Variants in AKT1 observed in about 807,000 individuals in gnomAD.
AKT1 encodes the protein AKT serine/threonine kinase 1.
In AKT1, 21 loss-of-function variants were observed where a neutral mutation model predicts 63.1. That is an observed-to-expected ratio of 0.33 (90% CI 0.24 to 0.48). The LOEUF is 0.48. Among genes scored for constraint, AKT1 ranks in the 20% least tolerant of loss-of-function variants. The probability of loss-of-function intolerance (pLI) is 0.99; values close to 1 mark genes in which losing one functional copy is unlikely to be tolerated. For synonymous variants in AKT1, 257 were observed against 253.1 expected, an observed-to-expected ratio of 1.02 and a Z score of -0.15; for missense variants, 382 against 666.0, an observed-to-expected ratio of 0.57 and a Z score of 4.69.
chr14:104,779,594 G>C lies in AKT1; in HGVS notation c.175+494C>G, dbSNP rs566467042. 4.8e-5 allele frequency among the ~76,000 whole-genome samples: 4 copies of C among 82,620 alleles called. No individual in the cohort carries two copies. In the South Asian group the frequency reaches 1.7e-3, roughly 36 times the overall value. The allele number at this position is 82,620 out of a possible 152,430, so 54.2% of individuals were successfully genotyped here. ...ATGGGCACCAGGGAACTGCTCCAGG[G>C]TCAGCCAGCCTTGGGACTCGGCCCA... is the stretch of plus-strand genomic sequence containing the variant. On this transcript the variant is annotated intron_variant, in intron 4 of 14. Coordinates refer to ENST00000649815, the MANE Select transcript of AKT1 (RefSeq NM_001382430.1).
intron 4 of AKT1, among the ~76,000 whole-genome samples, chr14:104,779,754 C>G (rs1018482936): frequency 1.4e-5 from 2 of 145,720 alleles, no homozygotes; most frequent in South Asian, 2.2e-4. Context: ...CAGAGACCCC[C>G]GCCCAGCCAG....
At chr14:104,785,792 G>A (rs1422783327) in intron 3 of AKT1, among the ~76,000 whole-genome samples, 1 of 152,084 alleles carries the variant, frequency 6.6e-6, no homozygotes, top group African/African-American at 2.4e-5. Flanking sequence ...GGAGGAACAT[G>A]GTGCGGGCAG....
chr14:104,788,135 G>T (rs907877414), intron 3 of AKT1, among the ~76,000 whole-genome samples: 2 of 152,166 alleles, frequency 1.3e-5, no homozygotes, highest in African/African-American at 4.8e-5. Flanking sequence ...GACCCTCAAC[G>T]CTCCCCCAGG....
rs1457887928 is a variant in AKT1, at chr14:104,769,439, A to ATTT, written c.*901_*902insAAA. On this transcript the variant is annotated 3_prime_UTR_variant, in exon 15 of 15. Transcript: ENST00000649815. ...ATACTAAAGTTGAATGTTGTAAAAA[A>ATTT]ACGCCGTGGTGCAGCGGCAGCGGCA... 7.4e-6 allele frequency: 3 copies of ATTT among 407,988 alleles called. No individual in the cohort carries two copies. The highest frequency in any genetic ancestry group is 6.3e-5 in the African/African-American group (3 of 47,694). The allele number at this position is 407,988 out of a possible 1,614,324, so 25.3% of individuals were successfully genotyped here. A position where few individuals can be genotyped will look rare whatever the true frequency, so the allele number is the denominator to read the frequency against.
chr14:104,792,911 C>G, intron 2 of AKT1, 189 bp from the exon 3 acceptor site: 1 of 591,350 alleles, frequency 1.7e-6, no homozygotes. Flanking sequence ...CCCCAAAACA[C>G]TCAGGGCTGC....
At chr14:104,775,365 G>A (rs992215509) in intron 6 of AKT1, 158 bp from the exon 7 acceptor site, 1 of 1,352,716 alleles carries the variant, frequency 7.4e-7, no homozygotes, top group Non-Finnish European at 9.9e-7. Context: ...GGGAGTCCAG[G>A]CTTACAGGGA....
At position 104,773,254 on chromosome 14, in the gene AKT1, G is replaced by A. The variant is rs746944273; in HGVS notation, c.954C>T (p.Pro318=). The A allele has an allele frequency of 1.7e-5, 27 of 1,614,048 alleles. No individual in the cohort carries two copies. Among genetic ancestry groups the A allele is most frequent in the Middle Eastern group, 1.6e-4 (1 of 6,084 alleles). Reference sequence around the variant, plus strand: ...TGCACGCAGGTGGGGCGCACACCTCGGGGGCCAGGTACTCAGGTGTGCCGC... The same window carrying A: ...TGCACGCAGGTGGGGCGCACACCTCAGGGGCCAGGTACTCAGGTGTGCCGC... The part of the protein sequence containing the change: ...TFCGTPEYLA[P]EVLEDNDYGR... The change falls in exon 11 of 15, where the codon CCC becomes CCT. Residue 318 remains proline, a synonymous_variant. Transcript: ENST00000649815.
rs1892273340 is a variant in AKT1 at position 104,769,790 on chromosome 14, G to GC, written c.*550dup. 1 of 386,162 alleles carries GC rather than the reference G, an allele frequency of 2.6e-6. No homozygotes were observed. Among genetic ancestry groups the GC allele is most frequent in the Non-Finnish European group, 4.9e-6 (1 of 205,756 alleles). The allele number at this position is 386,162 out of a possible 1,614,324, so 23.9% of individuals were successfully genotyped here. ...CCCCATCCCTGGTCCCATCCCAGGG[G>GC]CCCAGCCTCCGATGACGTCCTCAGA... On this transcript the variant is annotated 3_prime_UTR_variant, in exon 15 of 15. Coordinates refer to ENST00000649815, the MANE Select transcript of AKT1 (RefSeq NM_001382430.1).
chr14:104,776,331 G>C, intron 5 of AKT1: 1 of 235,164 alleles, frequency 4.3e-6, no homozygotes, highest in South Asian at 7.2e-5. Context: ...ATTTTTAGTA[G>C]AGACGGGGGT....
At chr14:104,794,948 G>T (rs1212062727) in intron 1 of AKT1, 3 of 152,306 alleles carry the variant, frequency 2.0e-5, no homozygotes, top group Non-Finnish European at 2.9e-5. Flanking sequence ...ACAGGAAGCA[G>T]TTCCGGGGCC....
At chr14:104,792,554 C>T in intron 3 of AKT1, 44 bp downstream of exon 3, 1 of 1,609,272 alleles carries the variant, frequency 6.2e-7, no homozygotes, top group Non-Finnish European at 8.5e-7. Flanking sequence ...GCTACTACCC[C>T]CATCTCTCCC....
chr14:104,770,801 C>A lies in AKT1; in HGVS notation c.1307G>T (p.Arg436Met). 6.2e-7 allele frequency: 1 copy of A among 1,614,130 alleles called. No homozygotes were observed. Among genetic ancestry groups the A allele is most frequent in the Non-Finnish European group, 8.5e-7 (1 of 1,180,022 alleles). Reference protein sequence around the residue: ...KPQVTSETDTRYFDEEFTAQM... With the variant: ...KPQVTSETDTMYFDEEFTAQM... The stretch of plus-strand genomic sequence containing the variant: ...GGCCGTGAACTCCTCATCAAAATAC[C>A]TGGTGTCAGTCTCCGACGTGACCTG... Residue 436 changes from arginine (R) to methionine (M), a missense_variant, in exon 14 of 15, where the codon AGG (arginine) becomes ATG (methionine). Physicochemically the swap from Arg to Met is moderately conservative, Grantham distance 91. Transcript: ENST00000649815.
rs941120153 is a variant in AKT1, at chr14:104,770,126, A to T, written c.*215T>A. 144 of 605,444 alleles carry T rather than the reference A, an allele frequency of 2.4e-4. No individual in the cohort carries two copies. The highest frequency in any genetic ancestry group is 3.8e-4 in the Non-Finnish European group (130 of 338,780). 37.5% of individuals were successfully genotyped at this position (605,444 alleles called of 1,614,324 possible). On this transcript the variant is annotated 3_prime_UTR_variant, in exon 15 of 15. Coordinates refer to ENST00000649815, the MANE Select transcript of AKT1 (RefSeq NM_001382430.1). ...CCACACCCGGAGAACAAACTGGATGAAATAAATTAAAACCCGCAGGATAGT... is the reference window on the plus strand; with the variant it reads ...CCACACCCGGAGAACAAACTGGATGTAATAAATTAAAACCCGCAGGATAGT...
chr14:104,773,444 C>A lies in AKT1; in HGVS notation c.828+11G>T, dbSNP rs370808079. 2 of 1,613,762 alleles carry A rather than the reference C, an allele frequency of 1.2e-6. No individual in the cohort carries two copies. The highest frequency in any genetic ancestry group is 2.7e-5 in the African/African-American group (2 of 74,928). ...CCAGGGCCCTGCCCCCCTGCCTGCCCGCCAGCGCACCTTGAGGTCCCGGTA... is the reference window on the plus strand; with the variant it reads ...CCAGGGCCCTGCCCCCCTGCCTGCCAGCCAGCGCACCTTGAGGTCCCGGTA... On this transcript the variant is annotated intron_variant, in intron 10 of 14. Coordinates refer to ENST00000649815, the MANE Select transcript of AKT1 (RefSeq NM_001382430.1).
intron 4 of AKT1, chr14:104,777,195 C>T: frequency 4.8e-6 from 1 of 208,910 alleles, no homozygotes; most frequent in Non-Finnish European, 9.8e-6. Context: ...TTCCCAACCT[C>T]ACCCTGAGTA....
intron 13 of AKT1, 138 bp downstream of exon 13, chr14:104,772,227 C>G (rs1259051211): frequency 1.1e-6 from 1 of 952,004 alleles, no homozygotes; most frequent in Non-Finnish European, 1.6e-6. Flanking sequence ...CAGCAAGGCC[C>G]TCCTTGTACC....
rs1243306681 is a variant in AKT1 at position 104,792,902 on chromosome 14, C to T, written c.-79-180G>A. 2.5e-5 allele frequency: 15 copies of T among 596,514 alleles called. No individual in the cohort carries two copies. The Admixed American group carries it at 4.4e-4, about 17-fold the overall frequency. 37.0% of individuals were successfully genotyped at this position (596,514 alleles called of 1,614,324 possible). A position where few individuals can be genotyped will look rare whatever the true frequency, so the allele number is the denominator to read the frequency against. On this transcript the variant is annotated intron_variant, in intron 2 of 14. Transcript: ENST00000649815. ...CATCTGCCCGCCTGCCTTCCCTCTC[C>T]CCAAAACACTCAGGGCTGCCAAGTG...
chr14:104,789,163 C>A (rs1893495601), intron 3 of AKT1, among the ~76,000 whole-genome samples: 1 of 152,216 alleles, frequency 6.6e-6, no homozygotes, highest in South Asian at 2.1e-4. Context: ...CCAGGTGGTG[C>A]CCCTGCGGCC....
At chr14:104,773,419 C>A in intron 10 of AKT1, 36 bp downstream of exon 10, 1 of 1,613,968 alleles carries the variant, frequency 6.2e-7, no homozygotes, top group Non-Finnish European at 8.5e-7. Flanking sequence ...CGCCAGGCCC[C>A]CAGGGCCCTG....
Sources: gnomAD v4.1 joint callset for allele counts (sites outside exome capture counted in the v4.1 genomes callset) on GRCh38, gnomAD v4.1.1 for gene constraint, MANE v1.5 for transcripts, NCBI Gene and HGNC (gene_info 2026-07-23, HGNC 2026-07-21) for gene names.